Variants in SPPL3 observed in about 807,000 individuals in gnomAD.
SPPL3 encodes the protein signal peptide peptidase-like 3.
A neutral mutation model predicts 42.4 loss-of-function variants in SPPL3; 5 were observed. The observed-to-expected ratio is 0.12, with a 90% CI of 0.06 to 0.25. The LOEUF is 0.25. Among genes scored for constraint, SPPL3 ranks in the 10% least tolerant of loss-of-function variants. The pLI is 1.00. For missense variants in SPPL3, 235 were observed against 489.0 expected (o/e 0.48, Z 4.90); for synonymous variants, 195 against 181.8 (o/e 1.07, Z -0.58).
rs141642604 is a variant in SPPL3, at chr12:120,870,573, G to A, written c.23+33272C>T. On this transcript the variant is annotated intron_variant, in intron 1 of 10. Coordinates refer to ENST00000353487, the MANE Select transcript of SPPL3 (RefSeq NM_139015.5). ...TATTCACAATAGCCAAAGGGTGGAA[G>A]CAACCCATGCCCAGTGATGAAAGAA... Among the ~76,000 whole-genome samples, 81 of 152,296 alleles carry A rather than the reference G, an allele frequency of 5.3e-4. 1 individual carries two copies. The highest frequency in any genetic ancestry group is 1.7e-3 in the African/African-American group (70 of 41,558).
intron 2 of SPPL3, among the ~76,000 whole-genome samples, chr12:120,797,315 A>G (rs1870134348): frequency 6.6e-6 from 1 of 151,318 alleles, no homozygotes; most frequent in Non-Finnish European, 1.5e-5. Context: ...GTCTCTTTGG[A>G]CTCTCAGTTC....
At chr12:120,777,191 T>G (rs1487657577) in intron 6 of SPPL3, among the ~76,000 whole-genome samples, 2 of 152,230 alleles carry the variant, frequency 1.3e-5, no homozygotes, top group African/African-American at 4.8e-5. Context: ...CTAAATAGTT[T>G]CTGTTCAGAA....
Position 120,782,830 on chromosome 12 carries a change from T to C in SPPL3, c.390-63A>G, listed in dbSNP as rs1869590223. 6 of 1,251,524 alleles carry C rather than the reference T, an allele frequency of 4.8e-6. No homozygotes were observed. The East Asian group carries it at 7.6e-5, about 16-fold the overall frequency. The allele number at this position is 1,251,524 out of a possible 1,614,324, so 77.5% of individuals were successfully genotyped here. On this transcript the variant is annotated intron_variant, in intron 5 of 10. Coordinates refer to ENST00000353487, the MANE Select transcript of SPPL3 (RefSeq NM_139015.5). Reference sequence around the variant, plus strand: ...CTTTATTCAGTAACCAAATTCTCCTTTGGTATTTCGTGATGGCTGGATTAG... The same window carrying C: ...CTTTATTCAGTAACCAAATTCTCCTCTGGTATTTCGTGATGGCTGGATTAG...
At chr12:120,839,687 C>G (rs965995993) in intron 1 of SPPL3, among the ~76,000 whole-genome samples, 4 of 152,054 alleles carry the variant, frequency 2.6e-5, no homozygotes, top group Non-Finnish European at 4.4e-5. Context: ...CTGGACTAGT[C>G]AACAACTATA....
chr12:120,796,728 T>G (rs549179902), intron 2 of SPPL3, among the ~76,000 whole-genome samples: 1 of 152,350 alleles, frequency 6.6e-6, no homozygotes, highest in East Asian at 1.9e-4. Context: ...TTCTCTATCA[T>G]TGAGGCAAGA....
At chr12:120,895,626 T>C (rs1260922833) in intron 1 of SPPL3, among the ~76,000 whole-genome samples, 1 of 152,254 alleles carries the variant, frequency 6.6e-6, no homozygotes, top group Non-Finnish European at 1.5e-5. Flanking sequence ...AAGTCATTTC[T>C]ATAGTGAGGA....
intron 1 of SPPL3, among the ~76,000 whole-genome samples, chr12:120,880,658 G>A (rs1327817556): frequency 2.0e-5 from 3 of 151,836 alleles, no homozygotes; most frequent in African/African-American, 7.3e-5. Flanking sequence ...ATGGTGGCAC[G>A]TGCCTCCAGT....
At chr12:120,842,045 T>G (rs1184602419) in intron 1 of SPPL3, among the ~76,000 whole-genome samples, 1 of 152,190 alleles carries the variant, frequency 6.6e-6, no homozygotes, top group Admixed American at 6.5e-5. Flanking sequence ...AAATCTGGAA[T>G]AGTAAATTTG....
At position 120,877,208 on chromosome 12, in the gene SPPL3, T is replaced by G. The variant is rs894344666; in HGVS notation, c.23+26637A>C. Among the ~76,000 whole-genome samples, 6 of 152,286 alleles carry G rather than the reference T, an allele frequency of 3.9e-5. No homozygotes were observed. In the East Asian group the frequency reaches 1.2e-3, roughly 29 times the overall value. On this transcript the variant is annotated intron_variant, in intron 1 of 10. Transcript: ENST00000353487. ...ATAGCCTAAACAGGCCAATATCTGG[T>G]AACAAAATTGAAATTGTAGCTTAAA...
rs1871345109 is a variant in SPPL3, at chr12:120,829,964, A to G, written c.24-19078T>C. On this transcript the variant is annotated intron_variant, in intron 1 of 10. Coordinates refer to ENST00000353487, the MANE Select transcript of SPPL3 (RefSeq NM_139015.5). ...AGCTGAGATCGCACCATTGCACTCCAGGCTGGGTGACAAGAGCAAAACTCC... is the reference window on the plus strand; with the variant it reads ...AGCTGAGATCGCACCATTGCACTCCGGGCTGGGTGACAAGAGCAAAACTCC... 2.0e-5 allele frequency among the ~76,000 whole-genome samples: 3 copies of G among 150,006 alleles called. No homozygotes were observed. In the South Asian group the frequency reaches 6.4e-4, roughly 32 times the overall value.
At chr12:120,791,823 T>A (rs1869926325) in intron 2 of SPPL3, 2 of 358,866 alleles carry the variant, frequency 5.6e-6, no homozygotes, top group East Asian at 1.4e-4. Flanking sequence ...TATCCTTAAT[T>A]ACTTCCTTAT....
chr12:120,788,130 ACGCAAGAGG>A (rs1214257459), intron 3 of SPPL3, among the ~76,000 whole-genome samples: 2 of 152,208 alleles, frequency 1.3e-5, no homozygotes, highest in African/African-American at 4.8e-5. Context: ...CTCTCCAGTA[ACGCAAGAGG>A]GCTCTTTGCT....
intron 2 of SPPL3, chr12:120,791,799 C>A: frequency 2.3e-6 from 1 of 436,106 alleles, no homozygotes; most frequent in Non-Finnish European, 4.1e-6. Context: ...CCACTCCTAT[C>A]TCTGAGCATA....
At chr12:120,880,897 A>G (rs1454483377) in intron 1 of SPPL3, among the ~76,000 whole-genome samples, 1 of 151,934 alleles carries the variant, frequency 6.6e-6, no homozygotes, top group Non-Finnish European at 1.5e-5. Flanking sequence ...AAAAAAATGG[A>G]CAAAGGACGT....
chr12:120,904,257 C>T lies in SPPL3; in HGVS notation c.-390G>A. On this transcript the variant is annotated 5_prime_UTR_variant, in exon 1 of 11. Transcript: ENST00000353487. ...CGGGAGCGCCGCGCTCGGGCGGCGG[C>T]GGCGGCGGCCGGGGGACATGGCCGG... 5.8e-6 allele frequency: 1 copy of T among 171,614 alleles called. No individual in the cohort carries two copies. Among genetic ancestry groups the T allele is most frequent in the Admixed American group, 6.3e-5 (1 of 15,760 alleles). 10.6% of individuals were successfully genotyped at this position (171,614 alleles called of 1,614,324 possible). A position where few individuals can be genotyped will look rare whatever the true frequency, so the allele number is the denominator to read the frequency against.
At chr12:120,800,546 T>C (rs1870256115) in intron 2 of SPPL3, among the ~76,000 whole-genome samples, 1 of 151,984 alleles carries the variant, frequency 6.6e-6, no homozygotes, top group Non-Finnish European at 1.5e-5. Flanking sequence ...GAAATCAATG[T>C]TTAAATGATC....
intron 1 of SPPL3, among the ~76,000 whole-genome samples, chr12:120,893,409 C>A (rs1331869898): frequency 6.6e-6 from 1 of 152,022 alleles, no homozygotes; most frequent in African/African-American, 2.4e-5. Flanking sequence ...ATTTTCTCTC[C>A]CTGCCTGCAA....
intron 3 of SPPL3, among the ~76,000 whole-genome samples, chr12:120,789,531 A>G (rs1172746464): frequency 6.6e-6 from 1 of 150,810 alleles, no homozygotes. Flanking sequence ...AAAAAATAAA[A>G]AAGCTTATGT....
chr12:120,858,856 T>C (rs1270797452), intron 1 of SPPL3, among the ~76,000 whole-genome samples: 2 of 152,122 alleles, frequency 1.3e-5, no homozygotes, highest in African/African-American at 2.4e-5. Flanking sequence ...GAAAACGAAA[T>C]GTGAGCCGAG....
Sources: allele counts gnomAD v4.1 joint callset (sites outside exome capture counted in the v4.1 genomes callset), GRCh38; gene constraint gnomAD v4.1.1; transcripts MANE v1.5; gene names NCBI Gene and HGNC (gene_info 2026-07-23, HGNC 2026-07-21).